CDK8: variants seen among roughly 807,000 people sequenced by gnomAD.
CDK8 encodes the protein cyclin dependent kinase 8, also known as cyclin-dependent kinase 8.
CDK8 carries 29 observed loss-of-function variants against 71.5 expected under a neutral mutation model. The ratio of observed to expected loss-of-function variants is 0.41; its 90% CI spans 0.30 to 0.55. The LOEUF (loss-of-function observed/expected upper bound fraction) is 0.55. Among genes scored for constraint, CDK8 ranks in the 20% least tolerant of loss-of-function variants. The pLI is 0.37. For missense variants in CDK8, 288 were observed against 572.6 expected (o/e 0.50, Z 5.07); for synonymous variants, 161 against 192.1 (o/e 0.84, Z 1.34).
intron 2 of CDK8, among the ~76,000 whole-genome samples, chr13:26,342,242 C>T (rs1355529596): frequency 1.3e-5 from 2 of 152,136 alleles, no homozygotes; most frequent in East Asian, 1.9e-4. Context: ...ACAAAATCTT[C>T]GAAAAGGCAA....
intron 3 of CDK8, 26 bp downstream of exon 3, chr13:26,349,208 A>C: frequency 8.1e-7 from 1 of 1,233,242 alleles, no homozygotes; most frequent in Non-Finnish European, 1.2e-6. Context: ...GGCAGACATG[A>C]GCAAACAGTC....
At chr13:26,392,324 C>CTTT (rs5802374) in intron 6 of CDK8, among the ~76,000 whole-genome samples, 38 of 100,336 alleles carry the variant, frequency 3.8e-4, no homozygotes, top group African/African-American at 9.0e-4. Flanking sequence ...ATTTATAACC[C>CTTT]TTTTTTTTTT....
chr13:26,308,708 C>A (rs1874149522), intron 1 of CDK8, among the ~76,000 whole-genome samples: 1 of 152,206 alleles, frequency 6.6e-6, no homozygotes, highest in Admixed American at 6.6e-5. Context: ...CACGCTTTCA[C>A]CTTTTCTTAC....
intron 8 of CDK8, 21 bp downstream of exon 8, chr13:26,396,375 C>T: frequency 8.1e-7 from 1 of 1,240,580 alleles, no homozygotes; most frequent in Non-Finnish European, 1.1e-6. Context: ...AAAAAAGAGA[C>T]TCCTTGTTGA....
At chr13:26,282,269 G>C (rs1872784085) in intron 1 of CDK8, among the ~76,000 whole-genome samples, 1 of 152,064 alleles carries the variant, frequency 6.6e-6, no homozygotes, top group African/African-American at 2.4e-5. Context: ...ATAGTTATCA[G>C]GTTATCTAAA....
At chr13:26,263,701 A>C (rs1871886452) in intron 1 of CDK8, among the ~76,000 whole-genome samples, 1 of 150,994 alleles carries the variant, frequency 6.6e-6, no homozygotes, top group Non-Finnish European at 1.5e-5. Context: ...GGCCTCCCAA[A>C]GTGCTGGGAT....
At chr13:26,383,935 T>A (rs1439460733) in intron 5 of CDK8, among the ~76,000 whole-genome samples, 2 of 152,214 alleles carry the variant, frequency 1.3e-5, no homozygotes, top group Non-Finnish European at 2.9e-5. Context: ...TCTTTACATG[T>A]GCTTTTAAAG....
At chr13:26,328,440 T>C (rs1401544419) in intron 1 of CDK8, among the ~76,000 whole-genome samples, 7 of 152,204 alleles carry the variant, frequency 4.6e-5, no homozygotes, top group African/African-American at 1.7e-4. Context: ...TCTTTGCAAC[T>C]GAAAATTTAA....
Position 26,353,846 on chromosome 13 carries a change from A to G in CDK8, c.422A>G (p.Tyr141Cys), listed in dbSNP as rs750671549. The G allele has an allele frequency of 6.2e-7, 1 of 1,613,384 alleles. No individual in the cohort carries two copies. Among genetic ancestry groups the G allele is most frequent in the South Asian group, 1.1e-5 (1 of 91,054 alleles). The change falls in exon 4 of 13, where the codon TAC becomes TGC. Residue 141 changes from tyrosine to cysteine, a missense_variant. This residue lies in a region of CDK8 where 95 missense variants were observed against 177.3 expected (regional missense o/e 0.54). Coordinates refer to ENST00000381527, the MANE Select transcript of CDK8 (RefSeq NM_001260.3). ...LLYQILDGIH[Y>C]LHANWVLHRD... is the part of the protein sequence containing the mutation. The stretch of plus-strand genomic sequence containing the variant: ...TATCAGATCCTAGATGGTATTCACT[A>G]CCTGCATGCTAACTGGGTGTTGCAC...
At chr13:26,332,517 A>G (rs1411636494) in intron 1 of CDK8, among the ~76,000 whole-genome samples, 2 of 151,548 alleles carry the variant, frequency 1.3e-5, no homozygotes, top group African/African-American at 2.4e-5. Flanking sequence ...TCATATCATC[A>G]GCAAAGAGAG....
chr13:26,289,033 C>G (rs1473364531), intron 1 of CDK8, among the ~76,000 whole-genome samples: 1 of 145,974 alleles, frequency 6.9e-6, no homozygotes, highest in Non-Finnish European at 1.5e-5. Context: ...GCTGCTGCAT[C>G]CAGACTAAGC....
intron 1 of CDK8, chr13:26,324,827 T>G: frequency 2.3e-6 from 2 of 873,466 alleles, no homozygotes. Flanking sequence ...GATTGGTAAG[T>G]AATTTAATGG....
At chr13:26,323,330 AGAGAGAGAGG>A (rs1874873762) in intron 1 of CDK8, among the ~76,000 whole-genome samples, 1 of 113,978 alleles carries the variant, frequency 8.8e-6, no homozygotes, top group South Asian at 3.1e-4. Context: ...AGAGAGAGGG[AGAGAGAGAGG>A]GAGAGGGAGA....
chr13:26,403,289 A>G (rs1166341874), intron 12 of CDK8, among the ~76,000 whole-genome samples: 1 of 152,156 alleles, frequency 6.6e-6, no homozygotes, highest in Non-Finnish European at 1.5e-5. Flanking sequence ...GGGAAGGATC[A>G]CTTGAGGCCT....
At chr13:26,328,793 A>G (rs1400720298) in intron 1 of CDK8, among the ~76,000 whole-genome samples, 7 of 152,188 alleles carry the variant, frequency 4.6e-5, no homozygotes, top group African/African-American at 7.2e-5. Flanking sequence ...ATGTCTTTCA[A>G]TTTGGAAGTT....
At chr13:26,354,490 A>T (rs1400447142) in intron 4 of CDK8, among the ~76,000 whole-genome samples, 1 of 152,042 alleles carries the variant, frequency 6.6e-6, no homozygotes, top group Non-Finnish European at 1.5e-5. Flanking sequence ...GGGGTCCCCA[A>T]CCCCCAGGCC....
chr13:26,387,437 A>G (rs934263938), intron 6 of CDK8, among the ~76,000 whole-genome samples: 1 of 152,220 alleles, frequency 6.6e-6, no homozygotes, highest in Admixed American at 6.5e-5. Context: ...GTGATACAGC[A>G]GAGAGCCACC....
At chr13:26,356,610 A>G (rs1179311486) in intron 4 of CDK8, among the ~76,000 whole-genome samples, 2 of 152,200 alleles carry the variant, frequency 1.3e-5, no homozygotes, top group African/African-American at 2.4e-5. Flanking sequence ...CCATATATGT[A>G]CATTTTAAAA....
intron 6 of CDK8, 127 bp downstream of exon 6, chr13:26,385,469 T>G: frequency 1.4e-6 from 1 of 714,236 alleles, no homozygotes; most frequent in Non-Finnish European, 2.1e-6. Context: ...GTGTGATGGC[T>G]CATGCCTGTA....
Sources: gnomAD v4.1 joint callset for allele counts (sites outside exome capture counted in the v4.1 genomes callset) on GRCh38, gnomAD v4.1.1 for gene constraint, gnomAD v4.1.1 regional missense constraint, MANE v1.5 for transcripts, NCBI Gene and HGNC (gene_info 2026-07-23, HGNC 2026-07-21) for gene names.